Variants in ZMPSTE24 observed in about 807,000 individuals in gnomAD.
The protein encoded by ZMPSTE24 is zinc metallopeptidase STE24.
Under a neutral mutation model 56.7 loss-of-function variants are expected in ZMPSTE24, and 48 were observed. That is an observed-to-expected ratio of 0.85 (90% CI 0.67 to 1.08). The LOEUF is 1.08. Among genes scored for constraint, ZMPSTE24 ranks in the 50% least tolerant of loss-of-function variants. ZMPSTE24 has a pLI of 0.00. For missense variants in ZMPSTE24, 503 were observed against 548.7 expected (o/e 0.92, Z 0.83); for synonymous variants, 172 against 195.2 (o/e 0.88, Z 0.99).
chr1:40,269,270 C>T (rs1029063260), intron 4 of ZMPSTE24, among the ~76,000 whole-genome samples: 2 of 151,832 alleles, frequency 1.3e-5, no homozygotes, highest in Non-Finnish European at 2.9e-5. Flanking sequence ...TGGCATGCAC[C>T]TGAAGTCCCA....
Position 40,278,394 on chromosome 1 carries a change from T to C in ZMPSTE24, c.770-2949T>C, listed in dbSNP as rs569190263. Among the ~76,000 whole-genome samples the C allele has an allele frequency of 7.2e-4, 109 of 151,252 alleles. 3 individuals carry two copies. In the South Asian group the frequency reaches 0.021, roughly 29 times the overall value. The stretch of plus-strand genomic sequence containing the variant: ...TAACACGGTGAAACCCCGTCTCTAC[T>C]AAAAATACAAAAAATTAGCCGGGCG... On this transcript the variant is annotated intron_variant, in intron 6 of 9. Coordinates refer to ENST00000372759, the MANE Select transcript of ZMPSTE24 (RefSeq NM_005857.5).
At chr1:40,281,968 C>G (rs1643734590) in intron 7 of ZMPSTE24, among the ~76,000 whole-genome samples, 1 of 152,046 alleles carries the variant, frequency 6.6e-6, no homozygotes, top group Admixed American at 6.6e-5. Context: ...GATTTGAATC[C>G]TGGTTCTGTC....
At chr1:40,290,669 A>G (rs1048033288) in intron 8 of ZMPSTE24, 185 bp from the exon 9 acceptor site, 12 of 531,716 alleles carry the variant, frequency 2.3e-5, no homozygotes, top group Admixed American at 6.5e-5. Flanking sequence ...TCACCATGTT[A>G]GCCAGGATGG....
At position 40,273,529 on chromosome 1, in the gene ZMPSTE24, AAAAAAAAAATATATAT is replaced by A. The variant is rs1441939752; in HGVS notation, c.769+1496_769+1511del. On this transcript the variant is annotated intron_variant, in intron 6 of 9. Transcript: ENST00000372759. The stretch of plus-strand genomic sequence containing the variant: ...CCAAATTCTGTCTAAAAAAAAAAAA[AAAAAAAAAATATATAT>A]ATATATATATATATATATATATATG... Among the ~76,000 whole-genome samples, 20 of 67,106 alleles carry A rather than the reference AAAAAAAAAATATATAT, an allele frequency of 3.0e-4. 1 individual carries two copies. The highest frequency in any genetic ancestry group is 1.6e-3 in the African/African-American group (19 of 11,626). 44.0% of individuals were successfully genotyped at this position (67,106 alleles called of 152,430 possible). A position where few individuals can be genotyped will look rare whatever the true frequency, so the allele number is the denominator to read the frequency against.
At chr1:40,261,116 G>A in intron 2 of ZMPSTE24, 131 bp downstream of exon 2, 3 of 1,134,568 alleles carry the variant, frequency 2.6e-6, no homozygotes, top group Non-Finnish European at 4.0e-6. Context: ...GATAGTAACG[G>A]CTGTGGAGCA....
intron 7 of ZMPSTE24, 86 bp downstream of exon 7, chr1:40,281,613 G>GA (rs1221329755): frequency 7.2e-7 from 1 of 1,393,004 alleles, no homozygotes; most frequent in African/African-American, 1.4e-5. Flanking sequence ...TTTCTAGGCA[G>GA]TGAGTGTTGA....
intron 6 of ZMPSTE24, among the ~76,000 whole-genome samples, chr1:40,280,287 C>T (rs1643714914): frequency 6.6e-6 from 1 of 152,196 alleles, no homozygotes; most frequent in African/African-American, 2.4e-5. Flanking sequence ...ATCTCCTTTG[C>T]AAACTTCTTG....
chr1:40,276,219 A>T (rs2124586308), intron 6 of ZMPSTE24, among the ~76,000 whole-genome samples: 1 of 152,356 alleles, frequency 6.6e-6, no homozygotes. Flanking sequence ...CCCTGTGGAG[A>T]TGTCAGACAG....
intron 6 of ZMPSTE24, among the ~76,000 whole-genome samples, chr1:40,273,537 A>AAAAAAATAT (rs1224234676): frequency 2.0e-3 from 25 of 12,390 alleles, no homozygotes; most frequent in South Asian, 8.5e-3. Flanking sequence ...AAAAAAAAAA[A>AAAAAAATAT]ATATATATAT....
intron 8 of ZMPSTE24, among the ~76,000 whole-genome samples, chr1:40,290,118 T>TC (rs1643825869): frequency 1.3e-5 from 2 of 152,142 alleles, no homozygotes; most frequent in African/African-American, 4.8e-5. Flanking sequence ...GCAGTATGGT[T>TC]CATGCCTGTA....
At chr1:40,280,165 C>G (rs1643713241) in intron 6 of ZMPSTE24, among the ~76,000 whole-genome samples, 1 of 152,122 alleles carries the variant, frequency 6.6e-6, no homozygotes, top group African/African-American at 2.4e-5. Flanking sequence ...ACATTGAGTT[C>G]TTCGGCAACT....
chr1:40,269,226 A>C (rs927205679), intron 4 of ZMPSTE24, among the ~76,000 whole-genome samples: 1 of 151,876 alleles, frequency 6.6e-6, no homozygotes, highest in Non-Finnish European at 1.5e-5. Context: ...GTGAGACTTC[A>C]TCTCTACAAA....
intron 5 of ZMPSTE24, 92 bp from the exon 6 acceptor site, chr1:40,271,802 C>T: frequency 7.0e-7 from 1 of 1,426,578 alleles, no homozygotes. Flanking sequence ...TTGAGGTCAA[C>T]ATAGTTGTTT....
intron 7 of ZMPSTE24, among the ~76,000 whole-genome samples, chr1:40,284,161 C>T (rs60494495): frequency 6.9e-6 from 1 of 144,772 alleles, no homozygotes; most frequent in African/African-American, 2.6e-5. Flanking sequence ...ACCATGTTGG[C>T]CAGGCTGGTC....
intron 2 of ZMPSTE24, among the ~76,000 whole-genome samples, chr1:40,265,987 G>A (rs1327962295): frequency 1.3e-5 from 2 of 152,148 alleles, no homozygotes; most frequent in East Asian, 3.9e-4. Flanking sequence ...TACTGCTGAT[G>A]GGAGTGTAAT....
At chr1:40,263,730 CTTTT>C (rs1282418065) in intron 2 of ZMPSTE24, among the ~76,000 whole-genome samples, 2 of 124,124 alleles carry the variant, frequency 1.6e-5, no homozygotes, top group Non-Finnish European at 3.5e-5. Flanking sequence ...TTAGCTTCGA[CTTTT>C]TTTTTTTTTT....
At chr1:40,265,702 AAAG>A (rs1290340517) in intron 2 of ZMPSTE24, among the ~76,000 whole-genome samples, 3 of 152,208 alleles carry the variant, frequency 2.0e-5, no homozygotes, top group Non-Finnish European at 2.9e-5. Context: ...TCTCTTAAAA[AAAG>A]AAAACAATTT....
chr1:40,291,254 G>A (rs1288270295), intron 9 of ZMPSTE24, among the ~76,000 whole-genome samples: 2 of 152,274 alleles, frequency 1.3e-5, no homozygotes, highest in East Asian at 3.9e-4. Flanking sequence ...AAAAGGACTC[G>A]GTAGATGGAG....
At chr1:40,272,205 T>G (rs959553068) in intron 6 of ZMPSTE24, among the ~76,000 whole-genome samples, 170 bp downstream of exon 6, 1 of 152,230 alleles carries the variant, frequency 6.6e-6, no homozygotes, top group Admixed American at 6.5e-5. Context: ...TTACAGAAAT[T>G]GATAACATAG....
Sources: allele counts gnomAD v4.1 joint callset (sites outside exome capture counted in the v4.1 genomes callset), GRCh38; gene constraint gnomAD v4.1.1; transcripts MANE v1.5; gene names NCBI Gene and HGNC (gene_info 2026-07-23, HGNC 2026-07-21).